Variants in CLOCK observed in about 807,000 individuals in gnomAD.
CLOCK encodes circadian locomoter output cycles protein kaput.
CLOCK carries 43 observed loss-of-function variants against 118.4 expected under a neutral mutation model. The observed-to-expected ratio is 0.36, with a 90% CI of 0.28 to 0.47. The LOEUF (loss-of-function observed/expected upper bound fraction) is 0.47, where lower values mean the gene tolerates loss of function less well. Ranked by LOEUF, CLOCK falls within the 20% of genes least tolerant of loss-of-function variation. The pLI is 1.00. For synonymous variants in CLOCK, 326 were observed against 339.2 expected (o/e 0.96, Z 0.43); for missense variants, 846 against 999.9 (o/e 0.85, Z 2.08).
Position 55,435,363 on chromosome 4 carries a change from C to T in CLOCK, c.*52G>A. On this transcript the variant is annotated 3_prime_UTR_variant, in exon 23 of 23. Transcript: ENST00000513440. The stretch of plus-strand genomic sequence containing the variant: ...CTTTCCTCAGGTCATCTGAGTAACT[C>T]TTAATGGGCCATCCCCTTCCTCCCT... 1 of 1,605,470 alleles carries T rather than the reference C, an allele frequency of 6.2e-7. No individual in the cohort carries two copies. The highest frequency in any genetic ancestry group is 1.7e-5 in the Admixed American group (1 of 59,954).
At chr4:55,490,434 C>T (rs906787585) in intron 2 of CLOCK, among the ~76,000 whole-genome samples, 1 of 151,872 alleles carries the variant, frequency 6.6e-6, no homozygotes, top group Non-Finnish European at 1.5e-5. Flanking sequence ...TGTCAATACC[C>T]CACTTTCAAT....
chr4:55,525,595 C>G (rs944676996), intron 1 of CLOCK, among the ~76,000 whole-genome samples: 1 of 152,064 alleles, frequency 6.6e-6, no homozygotes, highest in African/African-American at 2.4e-5. Flanking sequence ...CTCCGCCTCT[C>G]GAGTAGCTGA....
intron 9 of CLOCK, among the ~76,000 whole-genome samples, chr4:55,461,818 T>C (rs1204773403): frequency 1.3e-5 from 2 of 152,168 alleles, no homozygotes; most frequent in Non-Finnish European, 1.5e-5. Flanking sequence ...TTTCCTTTTT[T>C]TGCAGATAAC....
intron 2 of CLOCK, among the ~76,000 whole-genome samples, chr4:55,492,986 T>A (rs1319048301): frequency 1.3e-5 from 2 of 152,232 alleles, no homozygotes; most frequent in Non-Finnish European, 2.9e-5. Context: ...AGGTAGTTTA[T>A]GGATGGTGTT....
chr4:55,545,217 C>G (rs991247201), intron 1 of CLOCK, among the ~76,000 whole-genome samples: 2 of 152,152 alleles, frequency 1.3e-5, no homozygotes, highest in African/African-American at 4.8e-5. Flanking sequence ...GCTAACCTTT[C>G]AAGACATTCT....
At position 55,431,453 on chromosome 4, in the gene CLOCK, C is replaced by G. The variant is rs1286194733; in HGVS notation, c.*3962G>C. 6.6e-6 allele frequency: 1 copy of G among 152,182 alleles called. No individual in the cohort carries two copies. Among genetic ancestry groups the G allele is most frequent in the Admixed American group, 6.5e-5 (1 of 15,268 alleles). The allele number at this position is 152,182 out of a possible 1,614,324, so 9.4% of individuals were successfully genotyped here. A position where few individuals can be genotyped will look rare whatever the true frequency, so the allele number is the denominator to read the frequency against. On this transcript the variant is annotated 3_prime_UTR_variant, in exon 23 of 23. Coordinates refer to ENST00000513440, the MANE Select transcript of CLOCK (RefSeq NM_004898.4). ...CTTTTAGAAGAAAGCTCACCCAATC[C>G]AAACTTAAAAGGTTCTCTTTCTCCA...
chr4:55,521,052 C>T (rs541880207), intron 1 of CLOCK, among the ~76,000 whole-genome samples: 2 of 152,244 alleles, frequency 1.3e-5, no homozygotes, highest in African/African-American at 2.4e-5. Context: ...TCTATGCTCA[C>T]GGTTTTTTCA....
At chr4:55,479,766 G>A (rs367929244) in intron 4 of CLOCK, 67 bp from the exon 5 acceptor site, 4 of 1,226,148 alleles carry the variant, frequency 3.3e-6, no homozygotes, top group Non-Finnish European at 4.8e-6. Flanking sequence ...AAAGTGACAT[G>A]TAAATCAACT....
chr4:55,539,297 C>T (rs1466109408), intron 1 of CLOCK, among the ~76,000 whole-genome samples: 4 of 150,718 alleles, frequency 2.7e-5, no homozygotes, highest in African/African-American at 9.8e-5. Context: ...GTGAAACTGC[C>T]GTGCATGGTG....
At chr4:55,534,981 C>A (rs886242709) in intron 1 of CLOCK, among the ~76,000 whole-genome samples, 5 of 147,918 alleles carry the variant, frequency 3.4e-5, no homozygotes, top group Non-Finnish European at 7.4e-5. Context: ...CAAGCTGAGT[C>A]CAGCAGCACA....
intron 1 of CLOCK, among the ~76,000 whole-genome samples, chr4:55,542,058 C>CTATGCCAACTGAA: frequency 6.6e-6 from 1 of 150,896 alleles, no homozygotes; most frequent in Non-Finnish European, 1.5e-5. Context: ...CTATGCTTTT[C>CTATGCCAACTGAA]AGTTGGGCAT....
chr4:55,459,625 T>C (rs1725178609), intron 9 of CLOCK, among the ~76,000 whole-genome samples: 1 of 152,180 alleles, frequency 6.6e-6, no homozygotes, highest in Non-Finnish European at 1.5e-5. Flanking sequence ...GCCACATCAC[T>C]GTTCCTTATT....
chr4:55,512,340 T>C (rs1406879682), intron 1 of CLOCK, among the ~76,000 whole-genome samples: 2 of 152,138 alleles, frequency 1.3e-5, no homozygotes, highest in Non-Finnish European at 2.9e-5. Context: ...GATGATATAG[T>C]GCATCTTTTC....
intron 2 of CLOCK, among the ~76,000 whole-genome samples, chr4:55,503,392 A>G (rs1728562583): frequency 6.6e-6 from 1 of 152,230 alleles, no homozygotes; most frequent in Non-Finnish European, 1.5e-5. Flanking sequence ...AGAATTCAAA[A>G]ATAGACAATA....
chr4:55,497,745 G>C (rs868604843), intron 2 of CLOCK, among the ~76,000 whole-genome samples: 2 of 152,048 alleles, frequency 1.3e-5, no homozygotes, highest in South Asian at 2.1e-4. Context: ...CAGGCTCTAG[G>C]GATATTCTTC....
At chr4:55,463,274 T>C (rs1365147961) in intron 9 of CLOCK, among the ~76,000 whole-genome samples, 1 of 152,090 alleles carries the variant, frequency 6.6e-6, no homozygotes, top group Non-Finnish European at 1.5e-5. Context: ...TATTTAATAA[T>C]TTTAAAAGAA....
At chr4:55,448,601 C>CGT (rs3034980) in intron 18 of CLOCK, among the ~76,000 whole-genome samples, 178 bp downstream of exon 18, 7,222 of 116,782 alleles carry the variant, frequency 0.062, 262 homozygotes, top group Middle Eastern at 0.15. Context: ...CGCACGCGCG[C>CGT]GTGTGTGTGT....
chr4:55,463,613 T>C, intron 9 of CLOCK, 72 bp downstream of exon 9: 5 of 1,535,882 alleles, frequency 3.3e-6, no homozygotes, highest in Non-Finnish European at 3.6e-6. Context: ...GTCTGTATTT[T>C]TCATAAACTT....
At chr4:55,461,443 GGCAAAACAGCTGTTACAGGAAAA>G (rs1725335535) in intron 9 of CLOCK, among the ~76,000 whole-genome samples, 1 of 152,098 alleles carries the variant, frequency 6.6e-6, no homozygotes, top group Admixed American at 6.6e-5. Context: ...ACCTCCATGA[GGCAAAACAGCTGTTACAGGAAAA>G]GTAGTCATAG....
Sources: allele counts gnomAD v4.1 joint callset (sites outside exome capture counted in the v4.1 genomes callset), GRCh38; gene constraint gnomAD v4.1.1; transcripts MANE v1.5; gene names NCBI Gene and HGNC (gene_info 2026-07-23, HGNC 2026-07-21).